Variants in PRELID2 observed in about 807,000 individuals in gnomAD.
The protein encoded by PRELID2 is PRELI domain containing 2.
Under a neutral mutation model 28.4 loss-of-function variants are expected in PRELID2, and 25 were observed. The ratio of observed to expected loss-of-function variants is 0.88; its 90% confidence interval spans 0.64 to 1.23. The LOEUF (loss-of-function observed/expected upper bound fraction) is 1.23. Among genes scored for constraint, PRELID2 ranks in the 50% most tolerant of loss-of-function variants. The pLI, the probability that PRELID2 is intolerant of heterozygous loss-of-function variation, is 0.00. For missense variants in PRELID2, 201 were observed against 214.4 expected (o/e 0.94, Z 0.39); for synonymous variants, 76 against 71.6 (o/e 1.06, Z -0.31).
chr5:145,604,678 T>C (rs1388676684), intron 1 of PRELID2, among the ~76,000 whole-genome samples: 1 of 151,158 alleles, frequency 6.6e-6, no homozygotes, highest in African/African-American at 2.4e-5. Flanking sequence ...GCTAAACTAA[T>C]TTACATTCCT....
chr5:145,539,302 C>T (rs1752728032), intron 1 of PRELID2, among the ~76,000 whole-genome samples: 1 of 152,056 alleles, frequency 6.6e-6, no homozygotes. Flanking sequence ...TGACTTTGGT[C>T]ACTTTCCCCA....
At chr5:145,229,872 G>A in the PRELID2 span, 1 of 751,956 alleles carries the variant, frequency 1.3e-6, no homozygotes, top group East Asian at 2.5e-5. Flanking sequence ...GCAGGTGCCG[G>A]TCCTCAAGGG....
intron 1 of PRELID2, among the ~76,000 whole-genome samples, chr5:145,741,740 A>C (rs1176984890): frequency 1.8e-5 from 2 of 111,084 alleles, no homozygotes; most frequent in Non-Finnish European, 3.3e-5. Flanking sequence ...TTTATAAATA[A>C]TTTATTTATA....
the PRELID2 span, among the ~76,000 whole-genome samples, chr5:145,305,792 C>A: frequency 6.6e-6 from 1 of 152,140 alleles, no homozygotes; most frequent in Non-Finnish European, 1.5e-5. Context: ...CACAAAGCAA[C>A]CCTTAACTCC....
intron 1 of PRELID2, among the ~76,000 whole-genome samples, chr5:145,540,610 GACTCAGAAGGAAATC>G (rs1752737717): frequency 1.3e-5 from 2 of 149,676 alleles, no homozygotes; most frequent in African/African-American, 4.9e-5. Context: ...CAAGTTAAAT[GACTCAGAAGGAAATC>G]ACCAGCCAAG....
intron 1 of PRELID2, among the ~76,000 whole-genome samples, chr5:145,493,994 G>A (rs762493452): frequency 3.3e-5 from 5 of 152,116 alleles, no homozygotes; most frequent in South Asian, 2.1e-4. Flanking sequence ...TTAAAACTTC[G>A]TAAGTCGCTT....
intron 1 of PRELID2, among the ~76,000 whole-genome samples, chr5:145,657,140 G>A (rs527491755): frequency 3.3e-5 from 5 of 152,098 alleles, no homozygotes; most frequent in East Asian, 3.9e-4. Context: ...GGAAGGAAAT[G>A]GGTCAAACAG....
In PRELID2 at chr5:145,492,809, T is replaced by C. The variant is rs559115915; in HGVS notation, n.71-19494A>G. Among the ~76,000 whole-genome samples the C allele has an allele frequency of 2.9e-4, 41 of 140,768 alleles. 9 individuals are homozygous for C. Among genetic ancestry groups the C allele is most frequent in the Non-Finnish European group, 5.3e-4 (33 of 62,470 alleles). 92.3% of individuals were successfully genotyped at this position (140,768 alleles called of 152,430 possible). On this transcript the variant is annotated intron_variant and non_coding_transcript_variant, in intron 1 of 2. Transcript: ENST00000510259. ...CCCAGAAGTGGTGCAGGCCAGAGAT[T>C]GAGTCCACCACACAAGGCTGAAGCC...
intron 1 of PRELID2, among the ~76,000 whole-genome samples, chr5:145,751,159 T>C (rs1453109624): frequency 1.3e-5 from 2 of 152,322 alleles, no homozygotes; most frequent in East Asian, 3.9e-4. Flanking sequence ...GCTCATTATA[T>C]TGATATATAG....
At chr5:145,668,092 A>C (rs750920123) in intron 1 of PRELID2, among the ~76,000 whole-genome samples, 3 of 152,146 alleles carry the variant, frequency 2.0e-5, no homozygotes, top group Non-Finnish European at 2.9e-5. Context: ...TCAGGAAAGA[A>C]GAACTAGGCT....
the PRELID2 span, among the ~76,000 whole-genome samples, chr5:145,416,466 C>T: frequency 6.6e-6 from 1 of 151,984 alleles, no homozygotes; most frequent in African/African-American, 2.4e-5. Context: ...AAACTACCAT[C>T]AGAGTGAACA....
chr5:145,356,647 G>T, the PRELID2 span, among the ~76,000 whole-genome samples: 3 of 151,524 alleles, frequency 2.0e-5, no homozygotes, highest in Admixed American at 6.6e-5. Flanking sequence ...CCCTTACTTT[G>T]AGCCTATGGG....
At chr5:145,665,863 T>C (rs1047018476) in intron 1 of PRELID2, among the ~76,000 whole-genome samples, 33 of 152,082 alleles carry the variant, frequency 2.2e-4, no homozygotes, top group Admixed American at 1.3e-3. Context: ...CCAGGACTTT[T>C]TGTTCATATG....
chr5:145,662,863 T>C (rs971135393), intron 1 of PRELID2, among the ~76,000 whole-genome samples: 11 of 152,130 alleles, frequency 7.2e-5, no homozygotes, highest in African/African-American at 2.4e-4. Flanking sequence ...TCCTTTTCTT[T>C]ATAAATTACC....
At chr5:145,666,921 A>T (rs1258976576) in intron 1 of PRELID2, among the ~76,000 whole-genome samples, 1 of 152,116 alleles carries the variant, frequency 6.6e-6, no homozygotes, top group Non-Finnish European at 1.5e-5. Context: ...AGAATGGCTT[A>T]TACGTGACCA....
At chr5:145,347,219 C>T in the PRELID2 span, among the ~76,000 whole-genome samples, 2 of 152,162 alleles carry the variant, frequency 1.3e-5, no homozygotes, top group African/African-American at 4.8e-5. Flanking sequence ...GAAGCTAGAT[C>T]TGTGTCTATG....
chr5:145,778,407 G>C (rs1758553147), intron 5 of PRELID2, among the ~76,000 whole-genome samples: 1 of 152,138 alleles, frequency 6.6e-6, no homozygotes, highest in South Asian at 2.1e-4. Context: ...ATGTGGAAAG[G>C]GGCTACACAC....
At chr5:145,743,949 G>A (rs560084544) in intron 1 of PRELID2, among the ~76,000 whole-genome samples, 4 of 152,302 alleles carry the variant, frequency 2.6e-5, no homozygotes, top group East Asian at 3.9e-4. Flanking sequence ...GAAGGGCAGC[G>A]CCCATCTCCA....
the PRELID2 span, among the ~76,000 whole-genome samples, chr5:145,344,240 A>T: frequency 1.3e-5 from 2 of 152,080 alleles, no homozygotes; most frequent in African/African-American, 4.8e-5. Flanking sequence ...ATGAATATAG[A>T]TGCAAAAATC....
Sources: allele counts gnomAD v4.1 joint callset (sites outside exome capture counted in the v4.1 genomes callset), GRCh38; gene constraint gnomAD v4.1.1; transcripts MANE v1.5; gene names NCBI Gene and HGNC (gene_info 2026-07-23, HGNC 2026-07-21).